Variants in ADGRA2 observed in about 807,000 individuals in gnomAD.
ADGRA2 encodes the protein adhesion G protein-coupled receptor A2.
A neutral mutation model predicts 98.7 loss-of-function variants in ADGRA2; 61 were observed. The observed-to-expected ratio is 0.62, with a 90% CI of 0.50 to 0.76. ADGRA2 has a LOEUF of 0.76. ADGRA2 is among the 30% of genes least tolerant of loss of function. ADGRA2 has a pLI of 0.00. For synonymous variants in ADGRA2, 858 were observed against 831.5 expected, an observed-to-expected ratio of 1.03 and a Z score of -0.55; for missense variants, 1,712 against 1,860.0, an observed-to-expected ratio of 0.92 and a Z score of 1.46.
At chr8:37,806,526 C>CTTTTTCTTTTTTTTTTTTTTT (rs756594430) in intron 1 of ADGRA2, among the ~76,000 whole-genome samples, 32 of 100,354 alleles carry the variant, frequency 3.2e-4, no homozygotes, top group Non-Finnish European at 5.6e-4. Context: ...TTTTCTTTTT[C>CTTTTTCTTTTTTTTTTTTTTT]TTTTTTTTTT....
At chr8:37,826,599 C>G (rs1346947360) in intron 2 of ADGRA2, among the ~76,000 whole-genome samples, 1 of 152,104 alleles carries the variant, frequency 6.6e-6, no homozygotes, top group Non-Finnish European at 1.5e-5. Context: ...TGGGAAGGAG[C>G]TGAGGGTGAG....
In ADGRA2 at chr8:37,844,242, C is replaced by T. The variant is rs1360895778; in HGVS notation, c.*1887C>T. 3 of 512,950 alleles carry T rather than the reference C, an allele frequency of 5.8e-6. No individual in the cohort carries two copies. The highest frequency in any genetic ancestry group is 1.0e-3 in the Middle Eastern group (2 of 1,912). 31.8% of individuals were successfully genotyped at this position (512,950 alleles called of 1,614,324 possible). A position where few individuals can be genotyped will look rare whatever the true frequency, so the allele number is the denominator to read the frequency against. Reference sequence around the variant, plus strand: ...CCCATCCATCTATGAGGAAAGCCATCTCACAGAACATGGACATAGGCAACT... The same window carrying T: ...CCCATCCATCTATGAGGAAAGCCATTTCACAGAACATGGACATAGGCAACT... On this transcript the variant is annotated 3_prime_UTR_variant, in exon 19 of 19. Coordinates refer to ENST00000412232, the MANE Select transcript of ADGRA2 (RefSeq NM_032777.10).
intron 5 of ADGRA2, 127 bp from the exon 6 acceptor site, chr8:37,829,724 A>T: frequency 9.6e-7 from 1 of 1,038,662 alleles, no homozygotes; most frequent in East Asian, 2.4e-5. Context: ...CGGGGCAGAG[A>T]TGGTGCACAT....
chr8:37,801,696 G>C (rs1389110652), intron 1 of ADGRA2, among the ~76,000 whole-genome samples: 1 of 152,246 alleles, frequency 6.6e-6, no homozygotes, highest in East Asian at 1.9e-4. Flanking sequence ...AGGAAGCCCA[G>C]TCCCACATCT....
intron 2 of ADGRA2, among the ~76,000 whole-genome samples, chr8:37,819,451 T>C (rs576967591): frequency 6.6e-6 from 1 of 152,322 alleles, no homozygotes; most frequent in African/African-American, 2.4e-5. Flanking sequence ...CAGTGCAACC[T>C]CTGCCTCCTG....
At chr8:37,837,999 GGGGT>G (rs1805670877) in intron 14 of ADGRA2, 60 bp downstream of exon 14, 1 of 1,318,614 alleles carries the variant, frequency 7.6e-7, no homozygotes, top group South Asian at 1.5e-5. Context: ...GTGGAAAATG[GGGGT>G]GGGTGTACTC....
At chr8:37,826,066 G>A (rs1805271154) in intron 2 of ADGRA2, among the ~76,000 whole-genome samples, 1 of 152,224 alleles carries the variant, frequency 6.6e-6, no homozygotes, top group African/African-American at 2.4e-5. Context: ...GCATCAGTGG[G>A]GCAGGCGGGT....
intron 3 of ADGRA2, 73 bp from the exon 4 acceptor site, chr8:37,829,188 C>A: frequency 8.9e-7 from 1 of 1,129,760 alleles, no homozygotes; most frequent in Admixed American, 1.7e-5. Flanking sequence ...CTGGCCCCAC[C>A]CATGTGTTCC....
chr8:37,841,045 C>G lies in ADGRA2; in HGVS notation c.2748-41C>G, dbSNP rs779818464. On this transcript the variant is annotated intron_variant, in intron 18 of 18. Coordinates refer to ENST00000412232, the MANE Select transcript of ADGRA2 (RefSeq NM_032777.10). The surrounding 1 kb of genome is among the most constrained non-coding windows in gnomAD (Gnocchi z 5.0). ...CCCCGGCCCCCAGCCCCACCCCAGC[C>G]ATGCCCCCTGTCCTCATCACTGCTT... The G allele has an allele frequency of 1.3e-6, 2 of 1,553,292 alleles. No homozygotes were observed. Among genetic ancestry groups the G allele is most frequent in the South Asian group, 2.4e-5 (2 of 82,790 alleles).
rs1400252993 is a variant in ADGRA2 at position 37,797,574 on chromosome 8, T to TG, written c.266+44dup. 4.9e-6 allele frequency: 6 copies of TG among 1,229,726 alleles called. No homozygotes were observed. Among genetic ancestry groups the TG allele is most frequent in the Non-Finnish European group, 6.2e-6 (6 of 971,726 alleles). 76.2% of individuals were successfully genotyped at this position (1,229,726 alleles called of 1,614,324 possible). A position where few individuals can be genotyped will look rare whatever the true frequency, so the allele number is the denominator to read the frequency against. ...AGGCCAGTTCCGTCCGAGCCGGGAC[T>TG]GGGGACGAAGGGAGGCGAGACGGGA... is the stretch of plus-strand genomic sequence containing the variant. On this transcript the variant is annotated intron_variant, in intron 1 of 18. Transcript: ENST00000412232. The surrounding 1 kb of genome is among the most constrained non-coding windows in gnomAD (Gnocchi z 5.3).
At chr8:37,811,601 C>T (rs918622313) in intron 1 of ADGRA2, among the ~76,000 whole-genome samples, 8 of 150,390 alleles carry the variant, frequency 5.3e-5, no homozygotes, top group Admixed American at 3.3e-4. Context: ...CTCAGCCCTC[C>T]AAGTAGCTGG....
intron 5 of ADGRA2, 146 bp downstream of exon 5, chr8:37,829,705 G>A (rs146430746): frequency 8.5e-5 from 83 of 978,060 alleles, no homozygotes; most frequent in Middle Eastern, 7.7e-4. Flanking sequence ...TCACCTTCCC[G>A]CGATGGCCCG....
intron 3 of ADGRA2, 71 bp downstream of exon 3, chr8:37,829,030 G>C: frequency 2.1e-6 from 2 of 953,442 alleles, no homozygotes; most frequent in South Asian, 2.2e-5. Context: ...CCTGCTCCAT[G>C]CCCACCCCCT....
Position 37,830,653 on chromosome 8 carries a change from C to T in ADGRA2, c.719-57C>T, listed in dbSNP as rs569851283. On this transcript the variant is annotated intron_variant, in intron 6 of 18. Transcript: ENST00000412232. The surrounding 1 kb of genome is among the most constrained non-coding windows in gnomAD (Gnocchi z 4.8). ...CCATCCTGCTGGACTCTCGCTCACA[C>T]GTGCAGCCTCACATGCGTGTGCACT... 2.1e-5 allele frequency: 15 copies of T among 703,942 alleles called. No homozygotes were observed. Among genetic ancestry groups the T allele is most frequent in the Admixed American group, 4.8e-5 (2 of 41,664 alleles). The allele number at this position is 703,942 out of a possible 1,614,324, so 43.6% of individuals were successfully genotyped here.
intron 13 of ADGRA2, among the ~76,000 whole-genome samples, chr8:37,836,097 A>ACACACACACACACACC (rs1245868623): frequency 2.8e-5 from 3 of 108,636 alleles, no homozygotes; most frequent in African/African-American, 1.1e-4. Flanking sequence ...ACACACACAC[A>ACACACACACACACACC]CCCCACAGGC....
chr8:37,829,969 C>T lies in ADGRA2; in HGVS notation c.673C>T (p.His225Tyr). 2 of 1,604,946 alleles carry T rather than the reference C, an allele frequency of 1.2e-6. No individual in the cohort carries two copies. Among genetic ancestry groups the T allele is most frequent in the African/African-American group, 1.3e-5 (1 of 74,964 alleles). Reference protein sequence around the residue: ...HTLCAYPSALHAQALGSLQEA... With the variant: ...HTLCAYPSALYAQALGSLQEA... The stretch of plus-strand genomic sequence containing the variant: ...GCTCTGTGCTTACCCCAGTGCCCTG[C>T]ATGCTCAGGCCCTGGGCAGCCTCCA... Residue 225 changes from histidine (H) to tyrosine (Y), a missense_variant, in exon 6 of 19, where the codon CAT becomes TAT. Coordinates refer to ENST00000412232, the MANE Select transcript of ADGRA2 (RefSeq NM_032777.10).
chr8:37,840,697 A>G (rs990605729), intron 17 of ADGRA2, 63 bp from the exon 18 acceptor site: 2 of 856,700 alleles, frequency 2.3e-6, no homozygotes, highest in Admixed American at 1.8e-5. Context: ...AAGGGCTCTA[A>G]GCACCCAGTT....
rs1050851485 is a variant in ADGRA2, at chr8:37,835,786, C to T, written c.2050+16C>T. ...GCAGGAACCAGTAAGGGACTGAATT[C>T]CCCGCCCCGCCCAGGGTGCCTCTCG... On this transcript the variant is annotated intron_variant, in intron 13 of 18. Transcript: ENST00000412232. The T allele has an allele frequency of 2.6e-6, 4 of 1,524,584 alleles. No homozygotes were observed. Among genetic ancestry groups the T allele is most frequent in the Non-Finnish European group, 3.6e-6 (4 of 1,101,242 alleles). The allele number at this position is 1,524,584 out of a possible 1,614,324, so 94.4% of individuals were successfully genotyped here. A position where few individuals can be genotyped will look rare whatever the true frequency, so the allele number is the denominator to read the frequency against.
At chr8:37,798,760 G>A (rs1426063368) in intron 1 of ADGRA2, among the ~76,000 whole-genome samples, 1 of 152,242 alleles carries the variant, frequency 6.6e-6, no homozygotes, top group Non-Finnish European at 1.5e-5. Flanking sequence ...GAGGCTGCCC[G>A]CTTCCTGACA....
Sources: gnomAD v4.1 joint callset for allele counts (sites outside exome capture counted in the v4.1 genomes callset) on GRCh38, gnomAD v4.1.1 for gene constraint, Gnocchi (gnomAD v3.1) non-coding constraint, MANE v1.5 for transcripts, NCBI Gene and HGNC (gene_info 2026-07-23, HGNC 2026-07-21) for gene names.